The following TRIP12 variants were observed in gnomAD, a reference collection of about 807,000 sequenced individuals.
The protein encoded by TRIP12 is thyroid hormone receptor interactor 12, also known as E3 ubiquitin-protein ligase TRIP12.
In TRIP12, 25 loss-of-function variants were observed where a neutral mutation model predicts 244.2. The observed-to-expected ratio is 0.10, with a 90% CI of 0.07 to 0.14. TRIP12 has a LOEUF of 0.14. TRIP12 is among the 10% of genes least tolerant of loss of function. TRIP12 has a pLI of 1.00. For missense variants in TRIP12, 1,677 were observed against 2,486.4 expected (o/e 0.67, Z 6.92); for synonymous variants, 905 against 873.1 (o/e 1.04, Z -0.64).
At chr2:229,910,799 T>G (rs1460190617) in intron 1 of TRIP12, among the ~76,000 whole-genome samples, 3 of 152,212 alleles carry the variant, frequency 2.0e-5, no homozygotes, top group Non-Finnish European at 2.9e-5. Context: ...ACTCTGCAAT[T>G]AACAGTCTAG....
chr2:229,904,990 T>A (rs1199166061), intron 1 of TRIP12, among the ~76,000 whole-genome samples: 1 of 152,136 alleles, frequency 6.6e-6, no homozygotes, highest in African/African-American at 2.4e-5. Flanking sequence ...AAAAGTGTGT[T>A]TAGGCCGGGT....
At position 229,779,380 on chromosome 2, in the gene TRIP12, C is replaced by A. The variant is rs1487469444; in HGVS notation, c.5095-390G>T. Among the ~76,000 whole-genome samples, 4 of 152,184 alleles carry A rather than the reference C, an allele frequency of 2.6e-5. No homozygotes were observed. In the East Asian group the frequency reaches 5.8e-4, roughly 22 times the overall value. On this transcript the variant is annotated intron_variant, in intron 34 of 41. Transcript: ENST00000675903. The stretch of plus-strand genomic sequence containing the variant: ...GTCACCCTCTCAAGGGGAAGGCTCC[C>A]CCCAGCATCTGCTCCCAACAGTTAG...
At chr2:229,829,050 A>C in intron 8 of TRIP12, 143 bp downstream of exon 8, 1 of 584,068 alleles carries the variant, frequency 1.7e-6, no homozygotes, top group South Asian at 2.7e-5. Context: ...GCTGTATTTA[A>C]GGTGTGATTG....
chr2:229,773,835 T>G (rs2035355698), intron 38 of TRIP12: 1 of 303,160 alleles, frequency 3.3e-6, no homozygotes, highest in South Asian at 9.7e-5. Flanking sequence ...TTCACTTGTT[T>G]TTTAAACTAA....
chr2:229,771,946 A>C (rs1415999529), intron 38 of TRIP12, among the ~76,000 whole-genome samples: 1 of 152,272 alleles, frequency 6.6e-6, no homozygotes, highest in African/African-American at 2.4e-5. Context: ...GAATCAAATG[A>C]GAATTTCCCA....
chr2:229,767,826 T>C, intron 41 of TRIP12, 76 bp from the exon 42 acceptor site: 1 of 1,409,980 alleles, frequency 7.1e-7, no homozygotes, highest in African/African-American at 1.4e-5. Context: ...TTCCACTGCT[T>C]TGCCGTACAA....
chr2:229,838,520 C>T (rs977376949), intron 5 of TRIP12, among the ~76,000 whole-genome samples: 4 of 152,140 alleles, frequency 2.6e-5, no homozygotes, highest in Non-Finnish European at 5.9e-5. Flanking sequence ...TGGGTAATTT[C>T]GCACGTGCTA....
intron 1 of TRIP12, among the ~76,000 whole-genome samples, chr2:229,891,407 A>G (rs2067326662): frequency 2.6e-5 from 4 of 152,196 alleles, no homozygotes; most frequent in Admixed American, 2.6e-4. Context: ...CCTGGGCGAC[A>G]GAGCGAAACT....
intron 15 of TRIP12, among the ~76,000 whole-genome samples, chr2:229,809,080 T>C (rs183325124): frequency 1.0e-3 from 159 of 152,324 alleles, no homozygotes; most frequent in Admixed American, 6.7e-3. Flanking sequence ...GTAAATATTA[T>C]ACATATGCAA....
At chr2:229,848,840 C>T (rs945389723) in intron 4 of TRIP12, among the ~76,000 whole-genome samples, 5 of 152,126 alleles carry the variant, frequency 3.3e-5, no homozygotes, top group African/African-American at 1.2e-4. Context: ...GAAAGTAATT[C>T]CCAACCCAGA....
At chr2:229,813,016 T>C (rs867219969) in intron 13 of TRIP12, among the ~76,000 whole-genome samples, 4 of 152,264 alleles carry the variant, frequency 2.6e-5, no homozygotes, top group Admixed American at 6.5e-5. Context: ...GTACTCACAA[T>C]TTGTCCTCAC....
At chr2:229,894,407 C>G (rs1244512411) in intron 1 of TRIP12, 3 of 152,004 alleles carry the variant, frequency 2.0e-5, no homozygotes, top group Non-Finnish European at 2.9e-5. Context: ...TAGCATGGCC[C>G]CTGTGTAAGG....
At chr2:229,888,023 A>G (rs1560138678) in intron 1 of TRIP12, among the ~76,000 whole-genome samples, 1 of 152,164 alleles carries the variant, frequency 6.6e-6, no homozygotes, top group African/African-American at 2.4e-5. Flanking sequence ...AGTTCCCCAA[A>G]TGCTCTTTAA....
chr2:229,894,488 T>C lies in TRIP12; in HGVS notation c.-49-14360A>G, dbSNP rs192100417. On this transcript the variant is annotated intron_variant, in intron 1 of 41. Coordinates refer to ENST00000675903, the MANE Select transcript of TRIP12 (RefSeq NM_001348323.3). ...ACTCATGAAATAAGGGAAAAAAAACTATGGGATACACTTTCATGATGAAGA... is the reference window on the plus strand; with the variant it reads ...ACTCATGAAATAAGGGAAAAAAAACCATGGGATACACTTTCATGATGAAGA... 7.9e-5 allele frequency: 12 copies of C among 152,180 alleles called. No individual in the cohort carries two copies. In the East Asian group the frequency reaches 2.3e-3, roughly 29 times the overall value. 9.4% of individuals were successfully genotyped at this position (152,180 alleles called of 1,614,324 possible).
intron 2 of TRIP12, among the ~76,000 whole-genome samples, chr2:229,875,038 T>A (rs1184691841): frequency 2.0e-5 from 3 of 151,728 alleles, no homozygotes; most frequent in Non-Finnish European, 4.4e-5. Context: ...TGAGAGCAAG[T>A]CAACAGAGAA....
chr2:229,782,205 A>T (rs1015802901), intron 34 of TRIP12, among the ~76,000 whole-genome samples: 1 of 152,096 alleles, frequency 6.6e-6, no homozygotes, highest in African/African-American at 2.4e-5. Flanking sequence ...CCTCTGAGCA[A>T]CAGCCATGAT....
intron 2 of TRIP12, among the ~76,000 whole-genome samples, chr2:229,874,821 ACT>A: frequency 6.6e-6 from 1 of 152,208 alleles, no homozygotes; most frequent in South Asian, 2.1e-4. Context: ...CTCAATATGC[ACT>A]GTTTATATAG....
At chr2:229,813,323 AAAATTGTT>A (rs2047718482) in intron 13 of TRIP12, among the ~76,000 whole-genome samples, 1 of 152,230 alleles carries the variant, frequency 6.6e-6, no homozygotes, top group Non-Finnish European at 1.5e-5. Flanking sequence ...CTTAAAAGTC[AAAATTGTT>A]AAAGTCATCA....
Position 229,796,681 on chromosome 2 carries a change from C to T in TRIP12, c.3726G>A (p.Leu1242=), listed in dbSNP as rs777379387. 1 of 1,613,226 alleles carries T rather than the reference C, an allele frequency of 6.2e-7. No individual in the cohort carries two copies. Among genetic ancestry groups the T allele is most frequent in the Non-Finnish European group, 8.5e-7 (1 of 1,179,814 alleles). The change falls in exon 25 of 42, where the codon CTG becomes CTA. Residue 1242 remains leucine, a synonymous_variant. Transcript: ENST00000675903. Reference sequence around the variant, plus strand: ...CACTTTTAGATGTCAAATAAAGCAACAGCTGCTTCACAAATCCACTATGTT... The same window carrying T: ...CACTTTTAGATGTCAAATAAAGCAATAGCTGCTTCACAAATCCACTATGTT... ...EIQHSGFVKQ[L]LLYLTSKSEK...
Sources: gnomAD v4.1 joint callset for allele counts (sites outside exome capture counted in the v4.1 genomes callset) on GRCh38, gnomAD v4.1.1 for gene constraint, MANE v1.5 for transcripts, NCBI Gene and HGNC (gene_info 2026-07-23, HGNC 2026-07-21) for gene names.